Variants in FAM229B observed in about 807,000 individuals in gnomAD.
FAM229B encodes the protein protein FAM229B.
A neutral mutation model predicts 6.7 loss-of-function variants in FAM229B; 2 were observed. That is an observed-to-expected ratio of 0.30 (90% CI 0.12 to 0.94). The LOEUF is 0.94. FAM229B is among the 40% of genes least tolerant of loss of function. The pLI is 0.54. For synonymous variants in FAM229B, 29 were observed against 34.0 expected, an observed-to-expected ratio of 0.85 and a Z score of 0.51; for missense variants, 93 against 96.2, an observed-to-expected ratio of 0.97 and a Z score of 0.14.
At chr6:112,099,086 G>T (rs112153788) in intron 2 of FAM229B, among the ~76,000 whole-genome samples, 184 bp from the exon 3 acceptor site, 295 of 152,170 alleles carry the variant, frequency 1.9e-3, no homozygotes, top group African/African-American at 6.6e-3. Flanking sequence ...TTAAGCCCAG[G>T]GTTTCAAAAT....
At chr6:112,099,695 T>C (rs587755721) in intron 3 of FAM229B, among the ~76,000 whole-genome samples, 2 of 152,348 alleles carry the variant, frequency 1.3e-5, no homozygotes, top group African/African-American at 4.8e-5. Flanking sequence ...CCTAATAGAT[T>C]GTTTTGTTGA....
At chr6:112,095,891 A>T (rs932492520) in intron 1 of FAM229B, among the ~76,000 whole-genome samples, 7 of 152,120 alleles carry the variant, frequency 4.6e-5, no homozygotes, top group Non-Finnish European at 5.9e-5. Flanking sequence ...ATGGTGATCA[A>T]CTTATTCACA....
intron 3 of FAM229B, among the ~76,000 whole-genome samples, chr6:112,099,714 C>T (rs782458069): frequency 4.6e-5 from 7 of 152,160 alleles, no homozygotes; most frequent in Admixed American, 3.9e-4. Context: ...GATAGCTTCA[C>T]GATTAGATAA....
At chr6:112,092,921 A>C (rs1237684289) in intron 1 of FAM229B, among the ~76,000 whole-genome samples, 2 of 152,058 alleles carry the variant, frequency 1.3e-5, no homozygotes, top group African/African-American at 4.8e-5. Context: ...ATAATGGAAT[A>C]AAATAGATTC....
chr6:112,099,474 G>T, intron 3 of FAM229B, 66 bp downstream of exon 3: 4 of 1,433,686 alleles, frequency 2.8e-6, no homozygotes, highest in Admixed American at 2.3e-5. Context: ...ACCTTCAGCT[G>T]ATATTCATTA....
intron 1 of FAM229B, 22 bp downstream of exon 1, chr6:112,087,742 A>G (rs1383430952): frequency 1.2e-5 from 5 of 413,864 alleles, no homozygotes; most frequent in Non-Finnish European, 2.2e-5. Context: ...TTGGAGTGGT[A>G]TTTTAAAATA....
intron 1 of FAM229B, among the ~76,000 whole-genome samples, chr6:112,091,835 C>A (rs1777260815): frequency 6.6e-6 from 1 of 151,728 alleles, no homozygotes; most frequent in Non-Finnish European, 1.5e-5. Context: ...AGTATATGTT[C>A]AAGAGGACAG....
chr6:112,093,330 A>G (rs1554318336), intron 1 of FAM229B, among the ~76,000 whole-genome samples: 1 of 152,104 alleles, frequency 6.6e-6, no homozygotes. Flanking sequence ...AGGATATAAC[A>G]ATACTAAATA....
Position 112,100,703 on chromosome 6 carries a change from G to T in FAM229B, c.159G>T (p.Leu53=). 1 of 1,614,000 alleles carries T rather than the reference G, an allele frequency of 6.2e-7. No individual in the cohort carries two copies. Among genetic ancestry groups the T allele is most frequent in the South Asian group, 1.1e-5 (1 of 91,072 alleles). ...QLRRCPGSHC[L]TITDVPVTVY... ...GGAGGTGCCCTGGAAGTCATTGCCT[G>T]ACAATAACTGATGTTCCCGTCACTG... The change falls in exon 4 of 4, where the codon CTG becomes CTT. Residue 53 remains leucine (L), a synonymous_variant. Transcript: ENST00000368656.
rs1777388483 is a variant in FAM229B at position 112,100,784 on chromosome 6, A to G, written c.240A>G (p.Lys80=). The G allele has an allele frequency of 6.2e-7, 1 of 1,609,224 alleles. No homozygotes were observed. The highest frequency in any genetic ancestry group is 8.5e-7 in the Non-Finnish European group (1 of 1,175,574). The change falls in exon 4 of 4, where the codon AAA becomes AAG. Residue 80 remains lysine, a synonymous_variant. Coordinates refer to ENST00000368656, the MANE Select transcript of FAM229B (RefSeq NM_001033564.3). ...PAQSSKEMHP[K] Reference sequence around the variant, plus strand: ...AAAGCAGCAAGGAAATGCATCCTAAATAGCACCATTAAGTCTTTTGTCAAG... The same window carrying G: ...AAAGCAGCAAGGAAATGCATCCTAAGTAGCACCATTAAGTCTTTTGTCAAG...
chr6:112,099,492 G>T, intron 3 of FAM229B, 84 bp downstream of exon 3: 1 of 1,334,416 alleles, frequency 7.5e-7, no homozygotes, highest in Non-Finnish European at 1.0e-6. Flanking sequence ...TTATTAGCAA[G>T]AAAAAACTCT....
At chr6:112,099,070 G>A (rs1554318945) in intron 2 of FAM229B, among the ~76,000 whole-genome samples, 200 bp from the exon 3 acceptor site, 1 of 152,114 alleles carries the variant, frequency 6.6e-6, no homozygotes. Flanking sequence ...GAGGCAGGAG[G>A]ATCACTTAAG....
chr6:112,090,094 G>A (rs587695248), intron 1 of FAM229B, among the ~76,000 whole-genome samples: 45 of 152,270 alleles, frequency 3.0e-4, no homozygotes, highest in African/African-American at 1.0e-3. Context: ...TTCAGTACTG[G>A]AAGGCATTGA....
intron 1 of FAM229B, among the ~76,000 whole-genome samples, chr6:112,092,084 A>G (rs182199781): frequency 3.9e-4 from 60 of 152,278 alleles, no homozygotes; most frequent in Non-Finnish European, 3.4e-4. Flanking sequence ...CTGTGGGACA[A>G]CTTTCAACAG....
At chr6:112,098,202 T>TG (rs1377398366) in intron 2 of FAM229B, among the ~76,000 whole-genome samples, 3 of 152,066 alleles carry the variant, frequency 2.0e-5, no homozygotes, top group African/African-American at 7.2e-5. Flanking sequence ...ACTTAGATAA[T>TG]GGGGGTTATA....
chr6:112,090,587 A>G (rs1050053755), intron 1 of FAM229B, among the ~76,000 whole-genome samples: 10 of 152,146 alleles, frequency 6.6e-5, no homozygotes, highest in African/African-American at 2.4e-4. Context: ...CCAAAATCTC[A>G]GTGGTGTAAA....
At chr6:112,093,735 A>G (rs1777286980) in intron 1 of FAM229B, among the ~76,000 whole-genome samples, 1 of 151,916 alleles carries the variant, frequency 6.6e-6, no homozygotes, top group Non-Finnish European at 1.5e-5. Flanking sequence ...ATTGGAAAAT[A>G]CTTATATAGA....
chr6:112,096,400 G>T (rs935804621), intron 1 of FAM229B, among the ~76,000 whole-genome samples: 2 of 151,900 alleles, frequency 1.3e-5, no homozygotes, highest in African/African-American at 4.8e-5. Context: ...ACTAAAAATA[G>T]AAAAAATTAG....
At chr6:112,095,367 C>T (rs1430109987) in intron 1 of FAM229B, among the ~76,000 whole-genome samples, 1 of 152,040 alleles carries the variant, frequency 6.6e-6, no homozygotes, top group Non-Finnish European at 1.5e-5. Context: ...ACAGTGGGCT[C>T]ATGCCTGTAA....
Sources: allele counts gnomAD v4.1 joint callset (sites outside exome capture counted in the v4.1 genomes callset), GRCh38; gene constraint gnomAD v4.1.1; transcripts MANE v1.5; gene names NCBI Gene and HGNC (gene_info 2026-07-23, HGNC 2026-07-21).